Variants in RB1CC1 observed in about 807,000 individuals in gnomAD.
RB1CC1 encodes the protein RB1-inducible coiled-coil protein 1.
Under a neutral mutation model 177.5 loss-of-function variants are expected in RB1CC1, and 46 were observed. The ratio of observed to expected loss-of-function variants is 0.26; its 90% CI spans 0.20 to 0.33. The LOEUF is 0.33. Ranked by LOEUF, RB1CC1 falls within the 10% of genes least tolerant of loss-of-function variation. The probability of loss-of-function intolerance (pLI) is 1.00; values close to 1 mark genes in which losing one functional copy is unlikely to be tolerated. For missense variants in RB1CC1, 1,703 were observed against 1,816.3 expected, an observed-to-expected ratio of 0.94 and a Z score of 1.13; for synonymous variants, 666 against 613.6, an observed-to-expected ratio of 1.09 and a Z score of -1.26.
Position 52,661,111 on chromosome 8 carries a change from A to G in RB1CC1, c.1529T>C (p.Ile510Thr). The stretch of plus-strand genomic sequence containing the variant: ...CTTGCATACCTCCCTGTAGTGTTTT[A>G]TGAACATTTTTCTTCTTACAACCTC... ...VVEVVRRKMF[I>T]KHYREWAGAL... Residue 510 changes from isoleucine to threonine, a missense_variant, in exon 10 of 24, where the codon ATA becomes ACA. By Grantham distance (89) the Ile-to-Thr change is moderately conservative. Around this residue, in one of 6 missense-constraint regions of RB1CC1, gnomAD observed 1,169 missense variants for 1,184.7 expected, o/e 0.99. Transcript: ENST00000025008. 6.2e-7 allele frequency: 1 copy of G among 1,613,350 alleles called. No homozygotes were observed. The highest frequency in any genetic ancestry group is 8.5e-7 in the Non-Finnish European group (1 of 1,179,696).
At chr8:52,664,737 C>T (rs1171290017) in intron 8 of RB1CC1, among the ~76,000 whole-genome samples, 1 of 152,128 alleles carries the variant, frequency 6.6e-6, no homozygotes, top group Non-Finnish European at 1.5e-5. Context: ...GCAAATAATG[C>T]ATTCTTCCAT....
At chr8:52,625,103 T>C (rs1848289724) in intron 22 of RB1CC1, among the ~76,000 whole-genome samples, 1 of 152,156 alleles carries the variant, frequency 6.6e-6, no homozygotes, top group African/African-American at 2.4e-5. Context: ...AATTCTAGGC[T>C]AACTCAGTAG....
At chr8:52,673,719 T>G (rs189572264) in intron 7 of RB1CC1, 126 bp downstream of exon 7, 1 of 860,860 alleles carries the variant, frequency 1.2e-6, no homozygotes, top group African/African-American at 1.7e-5. Flanking sequence ...ATGTTAAAAG[T>G]TTCACTCCAA....
chr8:52,634,449 C>A (rs1301889561), intron 20 of RB1CC1, among the ~76,000 whole-genome samples: 1 of 151,798 alleles, frequency 6.6e-6, no homozygotes, highest in Non-Finnish European at 1.5e-5. Flanking sequence ...TCACTTGAAC[C>A]CGGGAGGTGG....
At chr8:52,627,218 A>C (rs1848458324) in intron 22 of RB1CC1, among the ~76,000 whole-genome samples, 1 of 150,910 alleles carries the variant, frequency 6.6e-6, no homozygotes, top group South Asian at 2.1e-4. Flanking sequence ...GTGGTGGCAC[A>C]CGCCTGTAAT....
At chr8:52,627,070 C>T (rs528766576) in intron 22 of RB1CC1, among the ~76,000 whole-genome samples, 30 of 151,904 alleles carry the variant, frequency 2.0e-4, no homozygotes, top group Middle Eastern at 3.4e-3. Context: ...AAAAAAAGGC[C>T]GGGTACGGTG....
chr8:52,676,644 C>G, intron 5 of RB1CC1, 73 bp from the exon 6 acceptor site: 1 of 1,350,590 alleles, frequency 7.4e-7, no homozygotes, highest in South Asian at 1.3e-5. Flanking sequence ...CATATGTTTA[C>G]AAACATGTAC....
intron 1 of RB1CC1, among the ~76,000 whole-genome samples, chr8:52,708,408 T>C (rs995801591): frequency 3.9e-5 from 6 of 152,092 alleles, no homozygotes; most frequent in African/African-American, 1.4e-4. Context: ...TCCCAGCTGC[T>C]TGGGAGGCTG....
intron 15 of RB1CC1, among the ~76,000 whole-genome samples, chr8:52,653,537 A>G (rs1464425639): frequency 6.6e-6 from 1 of 152,148 alleles, no homozygotes; most frequent in Non-Finnish European, 1.5e-5. Flanking sequence ...TAACTTACCA[A>G]GAGAATTCTA....
rs762289145 is a variant in RB1CC1, at chr8:52,661,583, C to G, written c.1310G>C (p.Cys437Ser). 6.2e-7 allele frequency: 1 copy of G among 1,611,228 alleles called. No homozygotes were observed. Among genetic ancestry groups the G allele is most frequent in the South Asian group, 1.1e-5 (1 of 90,356 alleles). ...TGCTAGTTCTTGTTTGGCAGTGGTA[C>G]ACTTCTGCTTAATATCTAACAGTTT... ...HRKLLDIKQK[C>S]TTAKQELANN... The change falls in exon 9 of 24, where the codon TGT becomes TCT. Residue 437 changes from cysteine (C) to serine (S), a missense_variant. By Grantham distance (112) the Cys-to-Ser change is moderately radical. Coordinates refer to ENST00000025008, the MANE Select transcript of RB1CC1 (RefSeq NM_014781.5).
intron 23 of RB1CC1, 129 bp from the exon 24 acceptor site, chr8:52,623,988 C>T (rs1334108141): frequency 1.5e-6 from 1 of 649,640 alleles, no homozygotes; most frequent in African/African-American, 1.8e-5. Flanking sequence ...CACAAGTACC[C>T]TCCTATCATA....
intron 20 of RB1CC1, among the ~76,000 whole-genome samples, chr8:52,632,048 A>T (rs1848803218): frequency 6.6e-6 from 1 of 152,154 alleles, no homozygotes; most frequent in African/African-American, 2.4e-5. Context: ...TGTGATAGCC[A>T]CCCACTTCCT....
chr8:52,693,032 C>T (rs956462605), intron 1 of RB1CC1, among the ~76,000 whole-genome samples: 4 of 152,136 alleles, frequency 2.6e-5, no homozygotes, highest in South Asian at 2.1e-4. Context: ...GAAAGGATTC[C>T]CTATTTAATA....
chr8:52,654,471 A>T (rs1850906438), intron 15 of RB1CC1, among the ~76,000 whole-genome samples: 1 of 152,184 alleles, frequency 6.6e-6, no homozygotes, highest in South Asian at 2.1e-4. Context: ...ACTGAGAACT[A>T]TCCATTTTGT....
At chr8:52,665,342 T>G (rs1851976637) in intron 8 of RB1CC1, among the ~76,000 whole-genome samples, 1 of 152,190 alleles carries the variant, frequency 6.6e-6, no homozygotes, top group African/African-American at 2.4e-5. Context: ...ATTACTCTTC[T>G]TACTTACTGG....
At position 52,642,745 on chromosome 8, in the gene RB1CC1, T is replaced by A. The variant is rs549916115; in HGVS notation, c.4055A>T (p.Asp1352Val). 15 of 1,583,410 alleles carry A rather than the reference T, an allele frequency of 9.5e-6. No homozygotes were observed. In the East Asian group the frequency reaches 3.4e-4, roughly 35 times the overall value. Reference sequence around the variant, plus strand: ...TTGCTGCATTGTACTTTTCAACTTATCACTAAGATCATTTATTATGTTTTC... The same window carrying A: ...TTGCTGCATTGTACTTTTCAACTTAACACTAAGATCATTTATTATGTTTTC... ...RKENIINDLSDKLKSTMQQQE... is the reference protein window; with the variant it reads ...RKENIINDLSVKLKSTMQQQE... The change falls in exon 17 of 24, where the codon GAT (aspartate) becomes GTT (valine). Residue 1352 changes from aspartate to valine, a missense_variant. Around this residue, in one of 6 missense-constraint regions of RB1CC1, gnomAD observed 1,169 missense variants for 1,184.7 expected, o/e 0.99. Transcript: ENST00000025008.
At chr8:52,633,827 G>T (rs1848930096) in intron 20 of RB1CC1, among the ~76,000 whole-genome samples, 1 of 152,166 alleles carries the variant, frequency 6.6e-6, no homozygotes, top group Admixed American at 6.6e-5. Context: ...ATTCCAATTT[G>T]CCTGGAATCC....
intron 1 of RB1CC1, among the ~76,000 whole-genome samples, chr8:52,704,793 TA>T (rs1449217373): frequency 1.3e-5 from 2 of 152,202 alleles, no homozygotes; most frequent in Non-Finnish European, 2.9e-5. Flanking sequence ...AATTATAAAG[TA>T]ACTTTATAAG....
chr8:52,704,699 T>C (rs1414436462), intron 1 of RB1CC1, among the ~76,000 whole-genome samples: 1 of 152,132 alleles, frequency 6.6e-6, no homozygotes, highest in African/African-American at 2.4e-5. Flanking sequence ...TGTAAGTGGG[T>C]TGACTCTCTA....
Sources: gnomAD v4.1 joint callset for allele counts (sites outside exome capture counted in the v4.1 genomes callset) on GRCh38, gnomAD v4.1.1 for gene constraint, gnomAD v4.1.1 regional missense constraint, MANE v1.5 for transcripts, NCBI Gene and HGNC (gene_info 2026-07-23, HGNC 2026-07-21) for gene names.